Variants in CNTN5 observed in about 807,000 individuals in gnomAD.
CNTN5 encodes the protein contactin-5.
In CNTN5, 77 loss-of-function variants were observed where a neutral mutation model predicts 129.1. That is an observed-to-expected ratio of 0.60 (90% CI 0.50 to 0.72). The LOEUF (loss-of-function observed/expected upper bound fraction) is 0.72, where lower values mean the gene tolerates loss of function less well. Ranked by LOEUF, CNTN5 falls within the 30% of genes least tolerant of loss-of-function variation. The probability of loss-of-function intolerance (pLI) is 0.00; values close to 1 mark genes in which losing one functional copy is unlikely to be tolerated. For missense variants in CNTN5, 1,478 were observed against 1,328.8 expected, an observed-to-expected ratio of 1.11 and a Z score of -1.75; for synonymous variants, 509 against 465.6, an observed-to-expected ratio of 1.09 and a Z score of -1.20.
intron 1 of CNTN5, among the ~76,000 whole-genome samples, chr11:99,241,317 GGTTTT>G (rs915066053): frequency 1.7e-5 from 1 of 60,132 alleles, no homozygotes; most frequent in African/African-American, 5.5e-5. Flanking sequence ...TTTGATTGTT[GGTTTT>G]TTTTTTTTTT....
intron 6 of CNTN5, among the ~76,000 whole-genome samples, chr11:99,906,156 G>A (rs1439155997): frequency 6.6e-6 from 1 of 152,090 alleles, no homozygotes; most frequent in African/African-American, 2.4e-5. Context: ...GCCCTCTCTA[G>A]AACTTCCAAT....
At chr11:99,487,302 A>AAT (rs1379581420) in intron 2 of CNTN5, among the ~76,000 whole-genome samples, 3 of 152,220 alleles carry the variant, frequency 2.0e-5, no homozygotes, top group Non-Finnish European at 4.4e-5. Flanking sequence ...CCAGTATGAC[A>AAT]ATTTATTCAA....
intron 4 of CNTN5, among the ~76,000 whole-genome samples, chr11:99,838,956 G>A (rs1304445824): frequency 1.3e-5 from 2 of 152,080 alleles, no homozygotes; most frequent in Non-Finnish European, 2.9e-5. Context: ...TGAAGGGAGG[G>A]TTATCAAAAA....
At chr11:100,088,008 T>G (rs904385266) in intron 13 of CNTN5, among the ~76,000 whole-genome samples, 3 of 151,404 alleles carry the variant, frequency 2.0e-5, no homozygotes, top group Non-Finnish European at 4.4e-5. Context: ...CCTGAATGAC[T>G]TTTGAGTAAA....
chr11:100,197,823 T>A (rs975410493), intron 15 of CNTN5, among the ~76,000 whole-genome samples: 7 of 151,962 alleles, frequency 4.6e-5, no homozygotes, highest in African/African-American at 1.7e-4. Flanking sequence ...GTCAGAATGG[T>A]CCACTAGAGA....
In CNTN5 at chr11:100,137,264, T is replaced by C. The variant is rs141361269; in HGVS notation, c.1581-53862T>C. Among the ~76,000 whole-genome samples, 179 of 152,220 alleles carry C rather than the reference T, an allele frequency of 1.2e-3. 1 individual carries two copies. Among genetic ancestry groups the C allele is most frequent in the African/African-American group, 4.1e-3 (172 of 41,572 alleles). On this transcript the variant is annotated intron_variant, in intron 13 of 24. Coordinates refer to ENST00000524871, the MANE Select transcript of CNTN5 (RefSeq NM_014361.4). ...TAATATTCAGGCTGTTTTACCCATA[T>C]AGGAGGCTTATAATGTGAAATTCCT...
At chr11:99,914,821 T>C (rs1949747590) in intron 6 of CNTN5, among the ~76,000 whole-genome samples, 2 of 152,094 alleles carry the variant, frequency 1.3e-5, no homozygotes, top group South Asian at 4.1e-4. Flanking sequence ...GATTTGGTTA[T>C]ACATTCAGCA....
chr11:99,588,407 T>C (rs1949876006), intron 3 of CNTN5, among the ~76,000 whole-genome samples: 1 of 151,220 alleles, frequency 6.6e-6, no homozygotes, highest in Non-Finnish European at 1.5e-5. Context: ...TGGCATTTTG[T>C]AGAAGTCAAG....
chr11:100,281,517 T>C (rs1039836514), intron 18 of CNTN5, among the ~76,000 whole-genome samples: 2 of 152,068 alleles, frequency 1.3e-5, no homozygotes, highest in South Asian at 2.1e-4. Flanking sequence ...TAGGATCTTT[T>C]CTTTATCCTT....
chr11:100,299,814 T>C (rs2138891861), intron 20 of CNTN5, among the ~76,000 whole-genome samples: 1 of 151,652 alleles, frequency 6.6e-6, no homozygotes, highest in Non-Finnish European at 1.5e-5. Flanking sequence ...TCTAACCCTA[T>C]GCATAAAGCA....
At chr11:99,749,627 T>G (rs548164445) in intron 3 of CNTN5, among the ~76,000 whole-genome samples, 54 of 152,330 alleles carry the variant, frequency 3.5e-4, no homozygotes, top group African/African-American at 1.3e-3. Context: ...CAAAATCCAG[T>G]AAAAGACTTT....
At chr11:99,234,743 AATG>A (rs1229096444) in intron 1 of CNTN5, among the ~76,000 whole-genome samples, 10 of 151,906 alleles carry the variant, frequency 6.6e-5, no homozygotes, top group African/African-American at 2.2e-4. Flanking sequence ...TTTAAATAAC[AATG>A]ATAATTAATA....
chr11:99,227,384 TATG>T (rs1326771981), intron 1 of CNTN5, among the ~76,000 whole-genome samples: 1 of 151,472 alleles, frequency 6.6e-6, no homozygotes, highest in African/African-American at 2.4e-5. Context: ...AAAGAAAAAT[TATG>T]ATAAGCCTAA....
At chr11:100,245,794 G>C (rs1039261652) in intron 16 of CNTN5, among the ~76,000 whole-genome samples, 2 of 152,056 alleles carry the variant, frequency 1.3e-5, no homozygotes, top group African/African-American at 4.8e-5. Flanking sequence ...ATAAAACCCC[G>C]GAGCCACTTA....
At chr11:99,494,822 G>A (rs908852271) in intron 2 of CNTN5, among the ~76,000 whole-genome samples, 1 of 152,054 alleles carries the variant, frequency 6.6e-6, no homozygotes, top group African/African-American at 2.4e-5. Flanking sequence ...TATTAATCTT[G>A]ACCTTAGGGA....
chr11:99,059,920 G>T (rs906467035), intron 1 of CNTN5, among the ~76,000 whole-genome samples: 3 of 151,976 alleles, frequency 2.0e-5, no homozygotes, highest in African/African-American at 7.2e-5. Flanking sequence ...TCTAACTGTA[G>T]AAATCAGTGG....
At chr11:100,117,108 A>G (rs998379460) in intron 13 of CNTN5, among the ~76,000 whole-genome samples, 2 of 152,052 alleles carry the variant, frequency 1.3e-5, no homozygotes, top group African/African-American at 2.4e-5. Flanking sequence ...TGAAATAAGC[A>G]TATGTTTCTT....
chr11:99,763,751 A>G (rs563813172), intron 3 of CNTN5, among the ~76,000 whole-genome samples: 1 of 152,076 alleles, frequency 6.6e-6, no homozygotes, highest in Non-Finnish European at 1.5e-5. Flanking sequence ...GAAAAAGAAG[A>G]TTTTTAGTCT....
intron 3 of CNTN5, among the ~76,000 whole-genome samples, chr11:99,587,542 T>G (rs562329094): frequency 6.6e-6 from 1 of 152,278 alleles, no homozygotes; most frequent in East Asian, 1.9e-4. Flanking sequence ...CATTTTCTTC[T>G]GGTAATCTGC....
Sources: allele counts gnomAD v4.1 joint callset (sites outside exome capture counted in the v4.1 genomes callset), GRCh38; gene constraint gnomAD v4.1.1; transcripts MANE v1.5; gene names NCBI Gene and HGNC (gene_info 2026-07-23, HGNC 2026-07-21).